Variants in SYNE1 observed in about 807,000 individuals in gnomAD.
SYNE1 encodes nesprin-1.
A neutral mutation model predicts 1,111.0 loss-of-function variants in SYNE1; 616 were observed. The ratio of observed to expected loss-of-function variants is 0.55; its 90% confidence interval spans 0.52 to 0.59. SYNE1 has a LOEUF of 0.59. Ranked by LOEUF, SYNE1 falls within the 20% of genes least tolerant of loss-of-function variation. The probability of loss-of-function intolerance (pLI) is 0.00; values close to 1 mark genes in which losing one functional copy is unlikely to be tolerated. For synonymous variants in SYNE1, 3,855 were observed against 3,825.8 expected (o/e 1.01, Z -0.28); for missense variants, 10,006 against 10,417.0 (o/e 0.96, Z 1.72).
intron 133 of SYNE1, among the ~76,000 whole-genome samples, chr6:152,153,041 A>G (rs2060728285): frequency 6.6e-6 from 1 of 152,228 alleles, no homozygotes; most frequent in Non-Finnish European, 1.5e-5. Flanking sequence ...TCTTGGCATT[A>G]GACCAAAATG....
At chr6:152,421,540 A>C (rs2098259953) in intron 39 of SYNE1, among the ~76,000 whole-genome samples, 1 of 152,122 alleles carries the variant, frequency 6.6e-6, no homozygotes, top group Non-Finnish European at 1.5e-5. Flanking sequence ...TATGTATGTT[A>C]CTAGAATCTA....
chr6:152,538,070 T>G (rs904331036), intron 4 of SYNE1, among the ~76,000 whole-genome samples: 2 of 152,132 alleles, frequency 1.3e-5, no homozygotes, highest in Admixed American at 6.6e-5. Flanking sequence ...CAGGGTTGAG[T>G]TCCAACCTCT....
At chr6:152,252,108 C>T (rs1207603439) in intron 104 of SYNE1, among the ~76,000 whole-genome samples, 1 of 151,840 alleles carries the variant, frequency 6.6e-6, no homozygotes, top group African/African-American at 2.4e-5. Flanking sequence ...CCCATCTCTA[C>T]TTAAAAATAC....
intron 11 of SYNE1, among the ~76,000 whole-genome samples, chr6:152,496,753 G>A (rs2099001532): frequency 6.6e-6 from 1 of 152,126 alleles, no homozygotes; most frequent in Non-Finnish European, 1.5e-5. Context: ...AGACAGGAAT[G>A]TCAGGTCTCT....
chr6:152,244,077 A>G (rs182072561), intron 106 of SYNE1, among the ~76,000 whole-genome samples: 208 of 152,316 alleles, frequency 1.4e-3, no homozygotes, highest in African/African-American at 4.9e-3. Flanking sequence ...CCATTCAAAC[A>G]TATATGGAGG....
intron 142 of SYNE1, chr6:152,133,960 C>A (rs1240486563): frequency 5.6e-6 from 1 of 178,702 alleles, no homozygotes; most frequent in Non-Finnish European, 1.2e-5. Flanking sequence ...AGTAAAAATG[C>A]AGTTCCACAG....
intron 128 of SYNE1, among the ~76,000 whole-genome samples, chr6:152,188,604 A>C (rs2070958569): frequency 6.6e-6 from 1 of 152,132 alleles, no homozygotes; most frequent in South Asian, 2.1e-4. Context: ...TTCACGTTTC[A>C]AGTATATCTA....
chr6:152,216,509 G>A (rs2078708812), intron 121 of SYNE1, among the ~76,000 whole-genome samples: 1 of 152,058 alleles, frequency 6.6e-6, no homozygotes. Context: ...GAGCTGACGA[G>A]GACAAGAAAA....
At chr6:152,284,306 TAGC>T (rs1318525221) in intron 95 of SYNE1, 134 bp from the exon 96 acceptor site, 10 of 916,178 alleles carry the variant, frequency 1.1e-5, no homozygotes, top group Non-Finnish European at 1.4e-5. Context: ...AATCAACAAA[TAGC>T]AGCCTACTCA....
rs368440527 is a variant in SYNE1 at position 152,123,347 on chromosome 6, G to A, written c.26154-671C>T. The stretch of plus-strand genomic sequence containing the variant: ...CTGGTGTTGTATGATGTAGATGCTA[G>A]GCTGATCCTATCACTGACGTCATTA... On this transcript the variant is annotated intron_variant, in intron 145 of 145. Coordinates refer to ENST00000367255, the MANE Select transcript of SYNE1 (RefSeq NM_182961.4). 3.5e-4 allele frequency among the ~76,000 whole-genome samples: 53 copies of A among 152,290 alleles called. 1 individual carries two copies. In the East Asian group the frequency reaches 6.9e-3, roughly 20 times the overall value.
intron 53 of SYNE1, among the ~76,000 whole-genome samples, chr6:152,387,953 C>T (rs1427891788): frequency 1.3e-5 from 2 of 152,142 alleles, no homozygotes; most frequent in African/African-American, 2.4e-5. Context: ...GAAAAATAGT[C>T]ACAAATATAA....
chr6:152,592,207 C>T (rs935965115), intron 3 of SYNE1, among the ~76,000 whole-genome samples: 1 of 151,912 alleles, frequency 6.6e-6, no homozygotes, highest in Admixed American at 6.6e-5. Flanking sequence ...TTTGCATATA[C>T]TGGGTATATG....
chr6:152,378,321 G>A (rs1267933367), intron 56 of SYNE1, among the ~76,000 whole-genome samples: 1 of 152,096 alleles, frequency 6.6e-6, no homozygotes, highest in Admixed American at 6.5e-5. Flanking sequence ...GATTTGTAAA[G>A]AAACCACATC....
intron 73 of SYNE1, among the ~76,000 whole-genome samples, chr6:152,345,434 T>C (rs548175549): frequency 6.6e-6 from 1 of 152,304 alleles, no homozygotes; most frequent in African/African-American, 2.4e-5. Context: ...CCTCTTTTGT[T>C]AACCTTTGAA....
In SYNE1 at chr6:152,316,715, G is replaced by T. The variant is rs913019964; in HGVS notation, c.16710+134C>A. On this transcript the variant is annotated intron_variant, in intron 87 of 145. Transcript: ENST00000367255. ...TCTGTCCAACTACTGAACAACTTAG[G>T]GGTACCTTAGCATTCTTTTTATCTG... 2.1e-5 allele frequency: 20 copies of T among 935,984 alleles called. No individual in the cohort carries two copies. The Admixed American group carries it at 2.3e-4, about 11-fold the overall frequency. The allele number at this position is 935,984 out of a possible 1,614,324, so 58.0% of individuals were successfully genotyped here.
At chr6:152,312,500 C>T (rs2095585822) in intron 87 of SYNE1, among the ~76,000 whole-genome samples, 1 of 150,178 alleles carries the variant, frequency 6.7e-6, no homozygotes, top group Non-Finnish European at 1.5e-5. Flanking sequence ...ACTCACTGCA[C>T]CCAGCCCCTA....
intron 76 of SYNE1, chr6:152,335,518 G>GA (rs1213384862): frequency 6.6e-6 from 1 of 151,932 alleles, no homozygotes; most frequent in Non-Finnish European, 1.5e-5. Flanking sequence ...ATGCTTCTGA[G>GA]AAAAAATAAA....
Position 152,463,517 on chromosome 6 carries a change from C to G in SYNE1, c.1933G>C (p.Asp645His). The G allele has an allele frequency of 1.2e-6, 2 of 1,611,926 alleles. No homozygotes were observed. Among genetic ancestry groups the G allele is most frequent in the Non-Finnish European group, 1.7e-6 (2 of 1,178,556 alleles). ...MLNQSENAKK[D>H]FFRNLPHWIQ... ...CAATGAGGTAAATTTCGAAAAAAATCCTAAACAATAAATAATGCACAATAT... is the reference window on the plus strand; with the variant it reads ...CAATGAGGTAAATTTCGAAAAAAATGCTAAACAATAAATAATGCACAATAT... Residue 645 changes from aspartate (D) to histidine (H), a missense_variant and splice_region_variant, in exon 19 of 146, where the codon GAT becomes CAT. Asp to His is a moderately conservative substitution (Grantham distance 81). Around this residue, in one of 7 missense-constraint regions of SYNE1, gnomAD observed 1,971 missense variants for 2,084.1 expected, o/e 0.95. Coordinates refer to ENST00000367255, the MANE Select transcript of SYNE1 (RefSeq NM_182961.4).
rs116949486 is a variant in SYNE1 at position 152,326,119 on chromosome 6, A to G, written c.15294-17T>C. On this transcript the variant is annotated splice_polypyrimidine_tract_variant and intron_variant, in intron 79 of 145. Coordinates refer to ENST00000367255, the MANE Select transcript of SYNE1 (RefSeq NM_182961.4). Reference sequence around the variant, plus strand: ...GCTGTGCATCTTGAAAGAGTCCAACAGAAACTGATAAGTAGCACGAAATCA... The same window carrying G: ...GCTGTGCATCTTGAAAGAGTCCAACGGAAACTGATAAGTAGCACGAAATCA... 87 of 1,614,146 alleles carry G rather than the reference A, an allele frequency of 5.4e-5. No homozygotes were observed. Among genetic ancestry groups the G allele is most frequent in the Non-Finnish European group, 6.9e-5 (81 of 1,180,044 alleles).
Sources: gnomAD v4.1 joint callset for allele counts (sites outside exome capture counted in the v4.1 genomes callset) on GRCh38, gnomAD v4.1.1 for gene constraint, gnomAD v4.1.1 regional missense constraint, MANE v1.5 for transcripts, NCBI Gene and HGNC (gene_info 2026-07-23, HGNC 2026-07-21) for gene names.